KCNH8: variants seen among roughly 807,000 people sequenced by gnomAD.
KCNH8 encodes the protein potassium voltage-gated channel subfamily H member 8.
KCNH8 carries 70 observed loss-of-function variants against 103.6 expected under a neutral mutation model. The ratio of observed to expected loss-of-function variants is 0.68; its 90% CI spans 0.56 to 0.82. The LOEUF is 0.82. KCNH8 is among the 40% of genes least tolerant of loss of function. The probability of loss-of-function intolerance (pLI) is 0.00; values close to 1 mark genes in which losing one functional copy is unlikely to be tolerated. For missense variants in KCNH8, 1,217 were observed against 1,329.9 expected, an observed-to-expected ratio of 0.92 and a Z score of 1.32; for synonymous variants, 498 against 489.4, an observed-to-expected ratio of 1.02 and a Z score of -0.23.
chr3:19,471,363 G>A (rs1266787887), intron 11 of KCNH8, among the ~76,000 whole-genome samples: 1 of 152,176 alleles, frequency 6.6e-6, no homozygotes, highest in Non-Finnish European at 1.5e-5. Flanking sequence ...TTACTTGGCA[G>A]GAAGAGGGGG....
At chr3:19,153,456 A>C (rs568387039) in intron 1 of KCNH8, among the ~76,000 whole-genome samples, 1 of 152,218 alleles carries the variant, frequency 6.6e-6, no homozygotes, top group Non-Finnish European at 1.5e-5. Flanking sequence ...TGAGACTGGC[A>C]AAGGACAAAA....
chr3:19,484,653 G>A (rs2068166176), intron 11 of KCNH8, among the ~76,000 whole-genome samples: 1 of 152,096 alleles, frequency 6.6e-6, no homozygotes, highest in Non-Finnish European at 1.5e-5. Flanking sequence ...AGCCGTGGGG[G>A]TGGTCAGGAT....
intron 5 of KCNH8, among the ~76,000 whole-genome samples, chr3:19,388,682 T>C (rs1013900223): frequency 1.3e-5 from 2 of 152,164 alleles, no homozygotes; most frequent in Non-Finnish European, 2.9e-5. Flanking sequence ...TCATTCACAA[T>C]AGACTAGAAC....
chr3:19,221,201 G>A (rs946592717), intron 1 of KCNH8, among the ~76,000 whole-genome samples: 2 of 152,198 alleles, frequency 1.3e-5, no homozygotes, highest in Non-Finnish European at 2.9e-5. Flanking sequence ...TATAGCTGTT[G>A]CTAGTCATCC....
intron 11 of KCNH8, among the ~76,000 whole-genome samples, chr3:19,498,263 G>T (rs569120699): frequency 1.1e-4 from 16 of 152,206 alleles, no homozygotes; most frequent in Admixed American, 7.9e-4. Flanking sequence ...TATATGTGTG[G>T]ATTTGATCCT....
At chr3:19,438,134 C>T (rs550563652) in intron 7 of KCNH8, 30 bp from the exon 8 acceptor site, 1 of 1,566,124 alleles carries the variant, frequency 6.4e-7, no homozygotes, top group Non-Finnish European at 8.8e-7. Flanking sequence ...ACTTTTTCTT[C>T]TCTCATTTGC....
intron 11 of KCNH8, among the ~76,000 whole-genome samples, chr3:19,462,017 A>G (rs556706685): frequency 6.6e-6 from 1 of 152,184 alleles, no homozygotes; most frequent in Non-Finnish European, 1.5e-5. Flanking sequence ...TATATGTGCC[A>G]CATTTTCTTA....
chr3:19,273,051 T>C (rs897014487), intron 2 of KCNH8, among the ~76,000 whole-genome samples: 16 of 152,194 alleles, frequency 1.1e-4, no homozygotes, highest in Non-Finnish European at 4.4e-5. Context: ...AATTTCCAAA[T>C]GTTTTCTTTT....
At chr3:19,317,921 A>C (rs547692346) in intron 3 of KCNH8, among the ~76,000 whole-genome samples, 1 of 152,160 alleles carries the variant, frequency 6.6e-6, no homozygotes, top group East Asian at 1.9e-4. Flanking sequence ...GGCACAAGAC[A>C]AGGATGCCCT....
intron 2 of KCNH8, among the ~76,000 whole-genome samples, chr3:19,260,850 A>G (rs2064424893): frequency 6.7e-6 from 1 of 149,336 alleles, no homozygotes; most frequent in African/African-American, 2.4e-5. Context: ...TATAAGTGAG[A>G]TAATGCAAGT....
In KCNH8 at chr3:19,517,978, G is replaced by C; in HGVS notation, c.2543-20G>C. 6.2e-7 allele frequency: 1 copy of C among 1,601,630 alleles called. No homozygotes were observed. Among genetic ancestry groups the C allele is most frequent in the South Asian group, 1.1e-5 (1 of 90,740 alleles). On this transcript the variant is annotated intron_variant, in intron 14 of 15. Coordinates refer to ENST00000328405, the MANE Select transcript of KCNH8 (RefSeq NM_144633.3). The stretch of plus-strand genomic sequence containing the variant: ...GGTTTATTCCTAAAGGACTCATTCT[G>C]TATGTGTGTCACTTTTCAGATCCAG...
intron 2 of KCNH8, among the ~76,000 whole-genome samples, chr3:19,278,225 C>A (rs1414270481): frequency 6.6e-6 from 1 of 152,040 alleles, no homozygotes; most frequent in Non-Finnish European, 1.5e-5. Context: ...AAGAGTCTTG[C>A]ATTGAACATG....
At chr3:19,321,064 A>T (rs753981419) in intron 3 of KCNH8, among the ~76,000 whole-genome samples, 41 of 151,216 alleles carry the variant, frequency 2.7e-4, no homozygotes, top group Non-Finnish European at 1.0e-4. Flanking sequence ...GCTTATTTGG[A>T]TCTTCTCTCT....
intron 5 of KCNH8, among the ~76,000 whole-genome samples, chr3:19,362,402 T>C (rs1437914423): frequency 6.6e-6 from 1 of 152,084 alleles, no homozygotes; most frequent in East Asian, 1.9e-4. Flanking sequence ...TTTAGTAGAT[T>C]GGTTTGTCCA....
At chr3:19,345,716 TA>T (rs1279635773) in intron 4 of KCNH8, among the ~76,000 whole-genome samples, 4 of 152,168 alleles carry the variant, frequency 2.6e-5, no homozygotes, top group African/African-American at 9.6e-5. Context: ...GAGAAGCATC[TA>T]TTTTTTTCAC....
intron 3 of KCNH8, among the ~76,000 whole-genome samples, chr3:19,312,540 C>T (rs1338847039): frequency 1.3e-5 from 2 of 151,876 alleles, no homozygotes; most frequent in Admixed American, 6.6e-5. Flanking sequence ...ACTCTGACTA[C>T]CTGAATGTTT....
At chr3:19,421,257 AT>A (rs1158602734) in intron 7 of KCNH8, among the ~76,000 whole-genome samples, 1 of 152,286 alleles carries the variant, frequency 6.6e-6, no homozygotes, top group East Asian at 1.9e-4. Flanking sequence ...ATTTAAAAAA[AT>A]CTTTGTTTGA....
chr3:19,511,335 G>T (rs1006314142), intron 12 of KCNH8, among the ~76,000 whole-genome samples: 7 of 152,056 alleles, frequency 4.6e-5, no homozygotes, highest in African/African-American at 7.2e-5. Context: ...AAGTCTCCAT[G>T]ACAAAATGGA....
At chr3:19,299,736 A>G (rs920552061) in intron 3 of KCNH8, among the ~76,000 whole-genome samples, 1 of 152,056 alleles carries the variant, frequency 6.6e-6, no homozygotes, top group Non-Finnish European at 1.5e-5. Context: ...TATTTTCCAA[A>G]GAGTAGTAGA....
Sources: allele counts gnomAD v4.1 joint callset (sites outside exome capture counted in the v4.1 genomes callset), GRCh38; gene constraint gnomAD v4.1.1; transcripts MANE v1.5; gene names NCBI Gene and HGNC (gene_info 2026-07-23, HGNC 2026-07-21).